The following ACTR5 variants were observed in gnomAD, a reference collection of about 807,000 sequenced individuals.
ACTR5 encodes actin related protein 5, also known as actin-related protein 5.
A neutral mutation model predicts 61.2 loss-of-function variants in ACTR5; 43 were observed. The observed-to-expected ratio is 0.70, with a 90% confidence interval of 0.55 to 0.91. The LOEUF (loss-of-function observed/expected upper bound fraction) is 0.91, where lower values mean the gene tolerates loss of function less well. Ranked by LOEUF, ACTR5 falls within the 40% of genes least tolerant of loss-of-function variation. The probability of loss-of-function intolerance (pLI) is 0.00; values close to 1 mark genes in which losing one functional copy is unlikely to be tolerated. For synonymous variants in ACTR5, 333 were observed against 310.5 expected (o/e 1.07, Z -0.76); for missense variants, 798 against 782.2 (o/e 1.02, Z -0.24).
chr20:38,763,903 A>T (rs1372109628), intron 5 of ACTR5, among the ~76,000 whole-genome samples: 2 of 152,154 alleles, frequency 1.3e-5, no homozygotes, highest in Non-Finnish European at 2.9e-5. Context: ...CCTGTGCACA[A>T]GTCTCACATG....
At position 38,752,834 on chromosome 20, in the gene ACTR5, A is replaced by T. The variant is rs1401877955; in HGVS notation, c.775+534A>T. Among the ~76,000 whole-genome samples, 3 of 152,220 alleles carry T rather than the reference A, an allele frequency of 2.0e-5. No homozygotes were observed. The East Asian group carries it at 5.8e-4, about 29-fold the overall frequency. On this transcript the variant is annotated intron_variant, in intron 3 of 8. Transcript: ENST00000243903. Reference sequence around the variant, plus strand: ...ACAATGCCACTGTGAATACAACTCTATTCCAAGAATGGATTTGCTTGTTGT... The same window carrying T: ...ACAATGCCACTGTGAATACAACTCTTTTCCAAGAATGGATTTGCTTGTTGT...
intron 1 of ACTR5, 61 bp from the exon 2 acceptor site, chr20:38,749,949 T>A (rs2084376353): frequency 6.8e-7 from 1 of 1,479,374 alleles, no homozygotes; most frequent in Non-Finnish European, 9.3e-7. Flanking sequence ...TTGGGTTCTT[T>A]TATGCTTCAA....
intron 5 of ACTR5, among the ~76,000 whole-genome samples, chr20:38,760,921 C>T (rs943622745): frequency 6.6e-6 from 1 of 150,774 alleles, no homozygotes; most frequent in Non-Finnish European, 1.5e-5. Context: ...GATGATGGCT[C>T]ACTGTAATTT....
chr20:38,750,635 T>G (rs1454212995), intron 2 of ACTR5, among the ~76,000 whole-genome samples: 1 of 151,992 alleles, frequency 6.6e-6, no homozygotes, highest in Admixed American at 6.6e-5. Flanking sequence ...TTTTGTTTGT[T>G]TGTTTGTTTG....
chr20:38,766,217 T>G (rs779025767), intron 6 of ACTR5, 21 bp from the exon 7 acceptor site: 1 of 1,598,040 alleles, frequency 6.3e-7, no homozygotes, highest in Non-Finnish European at 8.5e-7. Flanking sequence ...AAAATATCTT[T>G]TAAACCTTGG....
Position 38,755,153 on chromosome 20 carries a change from G to A in ACTR5, c.972G>A (p.Leu324=), listed in dbSNP as rs746421999. The A allele has an allele frequency of 3.1e-6, 5 of 1,612,450 alleles. No homozygotes were observed. Among genetic ancestry groups the A allele is most frequent in the South Asian group, 2.2e-5 (2 of 90,834 alleles). ...EEKLQLDQER[L]DRLLYVQELL... is the part of the protein sequence containing the mutation. Reference sequence around the variant, plus strand: ...AGCTGCAGCTGGATCAGGAGCGTCTGGACCGACTGCTATATGTGCAGGTAA... The same window carrying A: ...AGCTGCAGCTGGATCAGGAGCGTCTAGACCGACTGCTATATGTGCAGGTAA... The change falls in exon 4 of 9, where the codon CTG becomes CTA. Residue 324 remains leucine (L), a synonymous_variant. Coordinates refer to ENST00000243903, the MANE Select transcript of ACTR5 (RefSeq NM_024855.4).
chr20:38,748,645 A>T lies in ACTR5; in HGVS notation c.167A>T (p.Glu56Val). ...TGTCCCGGGCAGGACCCAGGTCCCG[A>T]GCCGCGCCTGCAGTTCCGCGCGGTG... is the stretch of plus-strand genomic sequence containing the variant. Reference protein sequence around the residue: ...WACPGQDPGPEPRLQFRAVCA... With the variant: ...WACPGQDPGPVPRLQFRAVCA... Residue 56 changes from glutamate to valine, a missense_variant, in exon 1 of 9, where the codon GAG (glutamate) becomes GTG (valine). Physicochemically the swap from Glu to Val is moderately radical, Grantham distance 121. Coordinates refer to ENST00000243903, the MANE Select transcript of ACTR5 (RefSeq NM_024855.4). The T allele has an allele frequency of 6.6e-7, 1 of 1,517,794 alleles. No individual in the cohort carries two copies. The highest frequency in any genetic ancestry group is 8.8e-7 in the Non-Finnish European group (1 of 1,135,554). The allele number at this position is 1,517,794 out of a possible 1,614,324, so 94.0% of individuals were successfully genotyped here.
rs2084524866 is a variant in ACTR5, at chr20:38,772,388, G to C, written c.*572G>C. 1 of 157,140 alleles carries C rather than the reference G, an allele frequency of 6.4e-6. No individual in the cohort carries two copies. Among genetic ancestry groups the C allele is most frequent in the African/African-American group, 2.4e-5 (1 of 41,484 alleles). 9.7% of individuals were successfully genotyped at this position (157,140 alleles called of 1,614,324 possible). A position where few individuals can be genotyped will look rare whatever the true frequency, so the allele number is the denominator to read the frequency against. ...GCTTAGGAGTTCGAGGCTATCGTGT[G>C]CTGTGATCGCACCTGTGAATAACCA... On this transcript the variant is annotated 3_prime_UTR_variant, in exon 9 of 9. Coordinates refer to ENST00000243903, the MANE Select transcript of ACTR5 (RefSeq NM_024855.4).
chr20:38,755,726 CT>C, intron 4 of ACTR5, 130 bp from the exon 5 acceptor site: 1 of 850,192 alleles, frequency 1.2e-6, no homozygotes, highest in Non-Finnish European at 1.9e-6. Flanking sequence ...CTGTGTGAAA[CT>C]GGAGGCAGCT....
Position 38,765,357 on chromosome 20 carries a change from C to A in ACTR5, c.1177-45C>A, listed in dbSNP as rs778343960. Reference sequence around the variant, plus strand: ...TGGCACTAAAATGATAGAACTGAGGCCTGCTGAAGGTACAGGTTCTGTTTC... The same window carrying A: ...TGGCACTAAAATGATAGAACTGAGGACTGCTGAAGGTACAGGTTCTGTTTC... On this transcript the variant is annotated intron_variant, in intron 5 of 8. Transcript: ENST00000243903. 3.7e-6 allele frequency: 5 copies of A among 1,364,056 alleles called. No homozygotes were observed. In the South Asian group the frequency reaches 4.7e-5, roughly 13 times the overall value. The allele number at this position is 1,364,056 out of a possible 1,614,324, so 84.5% of individuals were successfully genotyped here.
At chr20:38,769,430 A>G (rs563701214) in intron 8 of ACTR5, among the ~76,000 whole-genome samples, 48 of 152,360 alleles carry the variant, frequency 3.2e-4, no homozygotes, top group African/African-American at 1.0e-3. Context: ...AGGCTAAGGC[A>G]GTCAAATTGT....
chr20:38,754,993 A>G lies in ACTR5; in HGVS notation c.812A>G (p.Asn271Ser), dbSNP rs1261145155. The change falls in exon 4 of 9, where the codon AAT becomes AGT. Residue 271 changes from asparagine to serine, a missense_variant. Physicochemically the swap from Asn to Ser is conservative, Grantham distance 46. Transcript: ENST00000243903. ...HKWRCPDYYE[N>S]NVHKMQLPFS... ...TGGCGGTGTCCTGATTATTATGAGA[A>G]TAATGTCCACAAGATGCAGCTCCCA... The G allele has an allele frequency of 6.2e-7, 1 of 1,614,100 alleles. No homozygotes were observed. The highest frequency in any genetic ancestry group is 8.5e-7 in the Non-Finnish European group (1 of 1,180,044).
Position 38,765,393 on chromosome 20 carries a change from T to G in ACTR5, c.1177-9T>G, listed in dbSNP as rs200626089. 1 of 1,611,000 alleles carries G rather than the reference T, an allele frequency of 6.2e-7. No homozygotes were observed. The highest frequency in any genetic ancestry group is 2.2e-5 in the East Asian group (1 of 44,856). ...TACAGGTTCTGTTTCATTTTGCTCC[T>G]TCTCTTAGACCCCTGACCTGGAGCA... On this transcript the variant is annotated splice_polypyrimidine_tract_variant and intron_variant, in intron 5 of 8. Coordinates refer to ENST00000243903, the MANE Select transcript of ACTR5 (RefSeq NM_024855.4).
rs138160614 is a variant in ACTR5, at chr20:38,765,391, C to G, written c.1177-11C>G. 1.1e-4 allele frequency: 172 copies of G among 1,609,502 alleles called. No individual in the cohort carries two copies. The African/African-American group carries it at 1.9e-3, about 18-fold the overall frequency. On this transcript the variant is annotated splice_polypyrimidine_tract_variant and intron_variant, in intron 5 of 8. Transcript: ENST00000243903. The stretch of plus-strand genomic sequence containing the variant: ...GGTACAGGTTCTGTTTCATTTTGCT[C>G]CTTCTCTTAGACCCCTGACCTGGAG...
chr20:38,748,792 A>T lies in ACTR5; in HGVS notation c.314A>T (p.Asn105Ile), dbSNP rs1047824393. 2.9e-5 allele frequency: 46 copies of T among 1,609,424 alleles called. No homozygotes were observed. Among genetic ancestry groups the T allele is most frequent in the Non-Finnish European group, 3.8e-5 (45 of 1,179,142 alleles). ...CCCTTCGACCGCAACGTGCCGGTCA[A>T]CCTGGAGCTTCAGGAGTTGCTGCTG... ...RSPFDRNVPV[N>I]LELQELLLDY... The change falls in exon 1 of 9, where the codon AAC becomes ATC. Residue 105 changes from asparagine (N) to isoleucine (I), a missense_variant. Physicochemically the swap from Asn to Ile is moderately radical, Grantham distance 149. Transcript: ENST00000243903.
In ACTR5 at chr20:38,771,605, G is replaced by A. The variant is rs1034272194; in HGVS notation, c.1613G>A (p.Arg538His). 2.0e-5 allele frequency: 32 copies of A among 1,614,064 alleles called. No individual in the cohort carries two copies. In the East Asian group the frequency reaches 2.9e-4, roughly 15 times the overall value. The change falls in exon 9 of 9, where the codon CGT becomes CAT. Residue 538 changes from arginine (R) to histidine (H), a missense_variant. By Grantham distance (29) the Arg-to-His change is conservative (BLOSUM62 0). Coordinates refer to ENST00000243903, the MANE Select transcript of ACTR5 (RefSeq NM_024855.4). Reference sequence around the variant, plus strand: ...GTGCTGGATGCCTGGTACGGTGCTCGTGACTGGGCCTTGAACCACCTAGAT... The same window carrying A: ...GTGCTGGATGCCTGGTACGGTGCTCATGACTGGGCCTTGAACCACCTAGAT... ...NPVLDAWYGA[R>H]DWALNHLDDN...
chr20:38,748,570 T>C lies in ACTR5; in HGVS notation c.92T>C (p.Val31Ala), dbSNP rs1289588778. Residue 31 changes from valine (V) to alanine (A), a missense_variant, in exon 1 of 9, where the codon GTA becomes GCA. Transcript: ENST00000243903. ...AGPVAHGPLP[V>A]PLVLDNGSFQ... ...CCGGTGGCACACGGGCCACTGCCGGTACCGCTGGTGCTGGACAACGGGTCG... is the reference window on the plus strand; with the variant it reads ...CCGGTGGCACACGGGCCACTGCCGGCACCGCTGGTGCTGGACAACGGGTCG... 1 of 1,520,242 alleles carries C rather than the reference T, an allele frequency of 6.6e-7. No individual in the cohort carries two copies. The highest frequency in any genetic ancestry group is 8.8e-7 in the Non-Finnish European group (1 of 1,137,004). 94.2% of individuals were successfully genotyped at this position (1,520,242 alleles called of 1,614,324 possible).
At position 38,756,016 on chromosome 20, in the gene ACTR5, G is replaced by A. The variant is rs761995847; in HGVS notation, c.1153G>A (p.Asp385Asn). Residue 385 changes from aspartate (D) to asparagine (N), a missense_variant, in exon 5 of 9, where the codon GAT (aspartate) becomes AAT (asparagine). Asp to Asn is a conservative substitution (Grantham distance 23, BLOSUM62 1). Coordinates refer to ENST00000243903, the MANE Select transcript of ACTR5 (RefSeq NM_024855.4). ...ILQAEVNLEV[D>N]VVDSKPETPD... ...CCAAGCGGAAGTCAACCTCGAGGTG[G>A]ATGTGGTAGACAGCAAGCCAGAGGT... 1.9e-6 allele frequency: 3 copies of A among 1,613,188 alleles called. No homozygotes were observed. The highest frequency in any genetic ancestry group is 1.1e-5 in the South Asian group (1 of 91,000).
chr20:38,766,949 A>G (rs1413876937), intron 7 of ACTR5, among the ~76,000 whole-genome samples: 3 of 152,196 alleles, frequency 2.0e-5, no homozygotes, highest in Non-Finnish European at 4.4e-5. Context: ...TGTTGCTGCT[A>G]CTTTGTTTGA....
Sources: allele counts gnomAD v4.1 joint callset (sites outside exome capture counted in the v4.1 genomes callset), GRCh38; gene constraint gnomAD v4.1.1; transcripts MANE v1.5; gene names NCBI Gene and HGNC (gene_info 2026-07-23, HGNC 2026-07-21).